STPG2: variants seen among roughly 807,000 people sequenced by gnomAD.
The protein encoded by STPG2 is sperm tail PG-rich repeat containing 2.
STPG2 carries 56 observed loss-of-function variants against 54.2 expected under a neutral mutation model. The ratio of observed to expected loss-of-function variants is 1.03; its 90% CI spans 0.83 to 1.29. The LOEUF (loss-of-function observed/expected upper bound fraction) is 1.29, where lower values mean the gene tolerates loss of function less well. Ranked by LOEUF, STPG2 falls within the 50% of genes most tolerant of loss-of-function variation. STPG2 has a pLI of 0.00. For missense variants in STPG2, 596 were observed against 544.9 expected, an observed-to-expected ratio of 1.09 and a Z score of -0.93; for synonymous variants, 200 against 181.8, an observed-to-expected ratio of 1.10 and a Z score of -0.81.
chr4:98,009,007 T>A (rs912151589), intron 5 of STPG2, among the ~76,000 whole-genome samples: 7 of 152,084 alleles, frequency 4.6e-5, no homozygotes, highest in Admixed American at 3.9e-4. Context: ...TCATTTATAA[T>A]TTTATTTGAG....
intron 9 of STPG2, among the ~76,000 whole-genome samples, chr4:97,726,971 C>T (rs1292691594): frequency 6.6e-6 from 1 of 151,844 alleles, no homozygotes; most frequent in African/African-American, 2.4e-5. Context: ...TATTCTATCT[C>T]TATAGCTTCT....
At chr4:97,633,188 G>C (rs560477609) in intron 10 of STPG2, among the ~76,000 whole-genome samples, 151 of 152,118 alleles carry the variant, frequency 9.9e-4, no homozygotes, top group African/African-American at 3.5e-3. Flanking sequence ...AAAACTTATA[G>C]AAGGACTTGC....
intron 8 of STPG2, among the ~76,000 whole-genome samples, chr4:97,886,063 TAATC>T (rs551987680): frequency 1.1e-4 from 17 of 152,092 alleles, no homozygotes; most frequent in South Asian, 8.3e-4. Flanking sequence ...ATAAAATAAA[TAATC>T]AAAGCAGTGG....
intron 9 of STPG2, among the ~76,000 whole-genome samples, chr4:97,794,396 G>T (rs1007715756): frequency 6.6e-6 from 1 of 152,034 alleles, no homozygotes; most frequent in African/African-American, 2.4e-5. Flanking sequence ...AACCAATGCT[G>T]ACTCTACAAA....
At chr4:97,891,636 T>C (rs1730773074) in intron 8 of STPG2, among the ~76,000 whole-genome samples, 1 of 152,072 alleles carries the variant, frequency 6.6e-6, no homozygotes, top group Non-Finnish European at 1.5e-5. Flanking sequence ...AAGCCAAAAA[T>C]ATATCTTGCT....
intron 8 of STPG2, among the ~76,000 whole-genome samples, chr4:97,886,200 G>A (rs1730563066): frequency 6.6e-6 from 1 of 152,202 alleles, no homozygotes; most frequent in African/African-American, 2.4e-5. Context: ...CAAAATCGAA[G>A]TGTATTCTAG....
At chr4:97,893,951 C>T (rs893638000) in intron 8 of STPG2, among the ~76,000 whole-genome samples, 6 of 151,748 alleles carry the variant, frequency 4.0e-5, no homozygotes, top group African/African-American at 1.5e-4. Flanking sequence ...GGGTAAAAGT[C>T]GATGGGGTAT....
At chr4:98,079,850 G>A (rs140757939) in intron 5 of STPG2, among the ~76,000 whole-genome samples, 1 of 151,894 alleles carries the variant, frequency 6.6e-6, no homozygotes, top group East Asian at 1.9e-4. Context: ...ATTTTTAAAT[G>A]TCAATATAAA....
At chr4:98,089,379 T>C (rs1362939378) in intron 5 of STPG2, among the ~76,000 whole-genome samples, 5 of 152,042 alleles carry the variant, frequency 3.3e-5, no homozygotes, top group Non-Finnish European at 4.4e-5. Flanking sequence ...TAAAAGACAT[T>C]ATTTGTTCCT....
chr4:97,562,837 G>A (rs951769881), intron 10 of STPG2, among the ~76,000 whole-genome samples: 38 of 151,924 alleles, frequency 2.5e-4, no homozygotes, highest in East Asian at 3.9e-4. Context: ...TGTGGGATTC[G>A]GTTTGCCAAT....
intron 10 of STPG2, among the ~76,000 whole-genome samples, chr4:97,581,465 A>G (rs1732862063): frequency 6.6e-6 from 1 of 152,144 alleles, no homozygotes. Context: ...ATTTAAAAGC[A>G]GATTAGGCAG....
intron 7 of STPG2, among the ~76,000 whole-genome samples, chr4:97,961,786 G>C (rs1438586707): frequency 6.6e-6 from 1 of 152,124 alleles, no homozygotes; most frequent in Non-Finnish European, 1.5e-5. Flanking sequence ...AACCACTATG[G>C]AAAACATTAT....
At chr4:98,076,116 C>T (rs879459156) in intron 5 of STPG2, among the ~76,000 whole-genome samples, 6 of 151,876 alleles carry the variant, frequency 4.0e-5, no homozygotes, top group South Asian at 2.1e-4. Flanking sequence ...TGGTGGCGGG[C>T]GCCTGTAGTC....
chr4:97,871,168 T>C (rs929424849), intron 8 of STPG2, among the ~76,000 whole-genome samples: 2 of 150,830 alleles, frequency 1.3e-5, no homozygotes, highest in African/African-American at 4.8e-5. Flanking sequence ...AAAGTGGTGA[T>C]TAAAGTCTTA....
At chr4:98,049,332 G>A (rs1462121301) in intron 5 of STPG2, among the ~76,000 whole-genome samples, 1 of 152,154 alleles carries the variant, frequency 6.6e-6, no homozygotes, top group Non-Finnish European at 1.5e-5. Flanking sequence ...ACCTGCATGA[G>A]CTTGAGCTTC....
chr4:97,498,954 G>A (rs1298398191), intron 4 of STPG2, among the ~76,000 whole-genome samples: 2 of 151,916 alleles, frequency 1.3e-5, no homozygotes, highest in African/African-American at 2.4e-5. Context: ...GCACCATCAC[G>A]CCTTGCCCCA....
At chr4:97,516,454 T>C (rs1307653828) in intron 4 of STPG2, among the ~76,000 whole-genome samples, 1 of 152,080 alleles carries the variant, frequency 6.6e-6, no homozygotes, top group Non-Finnish European at 1.5e-5. Context: ...TTAGGAAATA[T>C]GAGACACAAA....
chr4:98,026,973 G>T (rs543717524), intron 5 of STPG2, among the ~76,000 whole-genome samples: 1 of 152,194 alleles, frequency 6.6e-6, no homozygotes, highest in African/African-American at 2.4e-5. Context: ...TCTATCTCTT[G>T]CCTGAATCTT....
chr4:97,578,900 C>A (rs1393810744), intron 10 of STPG2, among the ~76,000 whole-genome samples: 1 of 152,050 alleles, frequency 6.6e-6, no homozygotes, highest in African/African-American at 2.4e-5. Context: ...TGGCTAGGAA[C>A]TGAAAATTTA....
Sources: gnomAD v4.1 joint callset for allele counts (sites outside exome capture counted in the v4.1 genomes callset) on GRCh38, gnomAD v4.1.1 for gene constraint, MANE v1.5 for transcripts, NCBI Gene and HGNC (gene_info 2026-07-23, HGNC 2026-07-21) for gene names.